The following KCNIP4 variants were observed in gnomAD, a reference collection of about 807,000 sequenced individuals.
KCNIP4 encodes the protein potassium voltage-gated channel interacting protein 4.
In KCNIP4, 12 loss-of-function variants were observed where a neutral mutation model predicts 34.0. That is an observed-to-expected ratio of 0.35 (90% CI 0.23 to 0.57). The LOEUF (loss-of-function observed/expected upper bound fraction) is 0.57. KCNIP4 is among the 20% of genes least tolerant of loss of function. KCNIP4 has a pLI of 0.83. For missense variants in KCNIP4, 238 were observed against 311.7 expected (o/e 0.76, Z 1.78); for synonymous variants, 124 against 102.2 (o/e 1.21, Z -1.29).
At chr4:20,958,931 C>T (rs183118881) in intron 1 of KCNIP4, among the ~76,000 whole-genome samples, 6 of 152,250 alleles carry the variant, frequency 3.9e-5, no homozygotes, top group Admixed American at 6.5e-5. Context: ...GCTGAGACAG[C>T]GCTGGGGATT....
intron 1 of KCNIP4, among the ~76,000 whole-genome samples, chr4:20,944,510 A>C (rs1309519666): frequency 6.6e-6 from 1 of 152,222 alleles, no homozygotes. Flanking sequence ...CATGATGAAA[A>C]ACTAAAATAC....
rs536690324 is a variant in KCNIP4 at position 21,656,030 on chromosome 4, C to T, written c.61+292541G>A. Among the ~76,000 whole-genome samples the T allele has an allele frequency of 2.0e-4, 31 of 152,264 alleles. No homozygotes were observed. The South Asian group carries it at 6.4e-3, about 32-fold the overall frequency. ...TGCTGCTATAACAAAGTAAAACAAACTGAGAAGCATAAACAACAGAAATAT... is the reference window on the plus strand; with the variant it reads ...TGCTGCTATAACAAAGTAAAACAAATTGAGAAGCATAAACAACAGAAATAT... On this transcript the variant is annotated intron_variant, in intron 1 of 8. Transcript: ENST00000382152.
Position 20,729,992 on chromosome 4 carries a change from G to T in KCNIP4, c.*90C>A. 7.0e-7 allele frequency: 1 copy of T among 1,436,436 alleles called. No homozygotes were observed. Among genetic ancestry groups the T allele is most frequent in the Non-Finnish European group, 9.3e-7 (1 of 1,071,826 alleles). 89.0% of individuals were successfully genotyped at this position (1,436,436 alleles called of 1,614,324 possible). The stretch of plus-strand genomic sequence containing the variant: ...GCATAATATGCTTCAGTGTCAAGCT[G>T]AGCAATCTATGCTAAAAGTGGTAGC... On this transcript the variant is annotated 3_prime_UTR_variant, in exon 9 of 9. Coordinates refer to ENST00000382152, the MANE Select transcript of KCNIP4 (RefSeq NM_025221.6).
intron 1 of KCNIP4, among the ~76,000 whole-genome samples, chr4:21,665,887 T>C (rs1223424780): frequency 1.3e-5 from 2 of 152,212 alleles, no homozygotes; most frequent in Non-Finnish European, 2.9e-5. Flanking sequence ...TGACCATACA[T>C]GGCGCCCCTT....
At chr4:21,907,328 GCTTGGTCTTCCGCTTTT>G (rs1446999682) in intron 1 of KCNIP4, among the ~76,000 whole-genome samples, 20 of 152,262 alleles carry the variant, frequency 1.3e-4, no homozygotes, top group African/African-American at 4.8e-4. Context: ...ACACACACTA[GCTTGGTCTTCCGCTTTT>G]CCACCATGTT....
chr4:21,346,197 TTATATA>T (rs1553865207), intron 1 of KCNIP4, among the ~76,000 whole-genome samples: 1 of 2,490 alleles, frequency 4.0e-4, no homozygotes, highest in African/African-American at 5.8e-4. Context: ...ATATATAGAA[TTATATA>T]TATAATATAT....
chr4:21,109,328 G>A (rs1201887138), intron 1 of KCNIP4, among the ~76,000 whole-genome samples: 10 of 152,192 alleles, frequency 6.6e-5, no homozygotes, highest in Admixed American at 2.0e-4. Flanking sequence ...CCCCAGCCTC[G>A]CTGCTGCCTT....
At chr4:21,281,660 A>C (rs1468646691) in intron 1 of KCNIP4, among the ~76,000 whole-genome samples, 1 of 152,160 alleles carries the variant, frequency 6.6e-6, no homozygotes, top group Non-Finnish European at 1.5e-5. Flanking sequence ...TACACAACTC[A>C]AGGAGAGATT....
intron 1 of KCNIP4, among the ~76,000 whole-genome samples, chr4:21,498,143 G>A (rs919191761): frequency 1.3e-5 from 2 of 151,918 alleles, no homozygotes; most frequent in Admixed American, 6.6e-5. Context: ...AAATTCACCC[G>A]AATATTGTTT....
intron 1 of KCNIP4, among the ~76,000 whole-genome samples, chr4:21,510,037 A>G (rs1256430371): frequency 7.1e-6 from 1 of 140,024 alleles, no homozygotes; most frequent in Non-Finnish European, 1.5e-5. Flanking sequence ...AGATCGCACC[A>G]TTGCACTCCC....
intron 1 of KCNIP4, among the ~76,000 whole-genome samples, chr4:21,930,000 TCTC>T (rs1451960428): frequency 6.6e-6 from 1 of 152,064 alleles, no homozygotes; most frequent in Non-Finnish European, 1.5e-5. Flanking sequence ...TAAGCTCTAT[TCTC>T]CTCCTAAGTG....
chr4:20,810,785 T>C (rs1715654887), intron 3 of KCNIP4, among the ~76,000 whole-genome samples: 1 of 152,222 alleles, frequency 6.6e-6, no homozygotes, highest in Admixed American at 6.5e-5. Flanking sequence ...TTTGAAATGA[T>C]AAATACTTTT....
intron 1 of KCNIP4, among the ~76,000 whole-genome samples, chr4:21,206,823 C>A (rs1484174141): frequency 6.6e-6 from 1 of 152,158 alleles, no homozygotes; most frequent in Non-Finnish European, 1.5e-5. Context: ...AAGGTCATAA[C>A]ACAGCTAGTA....
intron 3 of KCNIP4, among the ~76,000 whole-genome samples, chr4:20,848,719 G>A (rs943852749): frequency 2.6e-5 from 4 of 152,066 alleles, no homozygotes; most frequent in Non-Finnish European, 4.4e-5. Context: ...AGCAGCAGTC[G>A]AGGAATACAG....
chr4:20,890,683 T>C (rs138177725), intron 1 of KCNIP4, among the ~76,000 whole-genome samples: 4 of 152,254 alleles, frequency 2.6e-5, no homozygotes, highest in African/African-American at 9.6e-5. Flanking sequence ...AAACTACTAG[T>C]ATACTAGTAC....
chr4:20,969,060 T>G (rs1463018450), intron 1 of KCNIP4, among the ~76,000 whole-genome samples: 1 of 152,234 alleles, frequency 6.6e-6, no homozygotes, highest in East Asian at 1.9e-4. Context: ...GCAATAATTT[T>G]ATGCATGCCA....
intron 5 of KCNIP4, among the ~76,000 whole-genome samples, chr4:20,735,187 G>A (rs1192491779): frequency 6.6e-6 from 1 of 152,186 alleles, no homozygotes; most frequent in Non-Finnish European, 1.5e-5. Context: ...TAGAAATCCA[G>A]TTATAATTTA....
At chr4:21,200,818 A>T (rs1290191307) in intron 1 of KCNIP4, among the ~76,000 whole-genome samples, 3 of 152,000 alleles carry the variant, frequency 2.0e-5, no homozygotes, top group Non-Finnish European at 4.4e-5. Context: ...TTTTTTTTTA[A>T]AAAAAGCATC....
At chr4:20,976,096 T>C (rs1256568593) in intron 1 of KCNIP4, among the ~76,000 whole-genome samples, 1 of 152,176 alleles carries the variant, frequency 6.6e-6, no homozygotes, top group Non-Finnish European at 1.5e-5. Flanking sequence ...TCAGACAACT[T>C]GGCACAGAAC....
Sources: gnomAD v4.1 joint callset for allele counts (sites outside exome capture counted in the v4.1 genomes callset) on GRCh38, gnomAD v4.1.1 for gene constraint, MANE v1.5 for transcripts, NCBI Gene and HGNC (gene_info 2026-07-23, HGNC 2026-07-21) for gene names.